Variants in FXR1 observed in about 807,000 individuals in gnomAD.
FXR1 encodes the protein RNA-binding protein FXR1.
A neutral mutation model predicts 84.0 loss-of-function variants in FXR1; 15 were observed. That is an observed-to-expected ratio of 0.18 (90% CI 0.12 to 0.27). FXR1 has a LOEUF of 0.27. FXR1 is among the 10% of genes least tolerant of loss of function. The probability of loss-of-function intolerance (pLI) is 1.00; values close to 1 mark genes in which losing one functional copy is unlikely to be tolerated. For missense variants in FXR1, 480 were observed against 774.4 expected (o/e 0.62, Z 4.51); for synonymous variants, 245 against 250.7 (o/e 0.98, Z 0.21).
At chr3:180,960,010 G>A (rs1277993761) in intron 10 of FXR1, among the ~76,000 whole-genome samples, 2 of 152,086 alleles carry the variant, frequency 1.3e-5, no homozygotes, top group African/African-American at 4.8e-5. Flanking sequence ...TCTGTAAAAT[G>A]AAGAAAATGG....
At position 180,976,175 on chromosome 3, in the gene FXR1, A is replaced by G. The variant is rs1714219613; in HGVS notation, c.1749A>G (p.Pro583=). The G allele has an allele frequency of 6.2e-7, 1 of 1,613,466 alleles. No homozygotes were observed. Among genetic ancestry groups the G allele is most frequent in the Non-Finnish European group, 8.5e-7 (1 of 1,179,448 alleles). ...HGPSEKAING[P]TSASGDDISK... is the part of the protein sequence containing the mutation. ...CTTCAGAAAAGGCAATAAACGGCCC[A>G]ACTAGTGCTTCTGGCGATGACATTT... Residue 583 remains proline (P), a synonymous_variant, in exon 17 of 17, where the codon CCA becomes CCG. Coordinates refer to ENST00000357559, the MANE Select transcript of FXR1 (RefSeq NM_005087.4).
chr3:180,918,230 T>G (rs558150699), intron 1 of FXR1, among the ~76,000 whole-genome samples: 26 of 152,308 alleles, frequency 1.7e-4, no homozygotes, highest in African/African-American at 6.3e-4. Flanking sequence ...TTTACTAGAT[T>G]ATGTATTAAG....
chr3:180,929,475 T>G (rs1805572), intron 1 of FXR1, among the ~76,000 whole-genome samples: 1 of 152,088 alleles, frequency 6.6e-6, no homozygotes, highest in Non-Finnish European at 1.5e-5. Context: ...TCTTCTGTGT[T>G]TGCATATGTA....
At position 180,979,224 on chromosome 3, in the gene FXR1, A is replaced by G. The variant is rs1168182798; in HGVS notation, c.*2932A>G. 6.6e-6 allele frequency: 1 copy of G among 152,124 alleles called. No individual in the cohort carries two copies. Among genetic ancestry groups the G allele is most frequent in the Non-Finnish European group, 1.5e-5 (1 of 67,986 alleles). The allele number at this position is 152,124 out of a possible 1,614,324, so 9.4% of individuals were successfully genotyped here. On this transcript the variant is annotated 3_prime_UTR_variant, in exon 17 of 17. Coordinates refer to ENST00000357559, the MANE Select transcript of FXR1 (RefSeq NM_005087.4). Reference sequence around the variant, plus strand: ...AAACAGCACCATTTGTATCCTCTGCAAACAGATTTACGCTTTTGAGGCTCA... The same window carrying G: ...AAACAGCACCATTTGTATCCTCTGCGAACAGATTTACGCTTTTGAGGCTCA...
intron 10 of FXR1, among the ~76,000 whole-genome samples, chr3:180,958,704 G>A (rs1421712475): frequency 6.6e-6 from 1 of 151,410 alleles, no homozygotes; most frequent in Non-Finnish European, 1.5e-5. Flanking sequence ...ATTCTTGATT[G>A]TACTCTCCTT....
At chr3:180,949,053 C>G (rs755250037) in intron 6 of FXR1, among the ~76,000 whole-genome samples, 174 bp from the exon 7 acceptor site, 6 of 152,072 alleles carry the variant, frequency 3.9e-5, no homozygotes, top group Non-Finnish European at 7.3e-5. Flanking sequence ...AATAGCAGAT[C>G]TAAATAATAC....
At chr3:180,933,658 T>A (rs1307028181) in intron 2 of FXR1, among the ~76,000 whole-genome samples, 1 of 152,192 alleles carries the variant, frequency 6.6e-6, no homozygotes, top group Non-Finnish European at 1.5e-5. Context: ...ATAATATGCT[T>A]AATATTTAAA....
At chr3:180,929,973 G>C (rs1719688470) in intron 1 of FXR1, among the ~76,000 whole-genome samples, 1 of 152,210 alleles carries the variant, frequency 6.6e-6, no homozygotes, top group South Asian at 2.1e-4. Flanking sequence ...AATAAGAGTA[G>C]ATGCTCAAGG....
At position 180,947,311 on chromosome 3, in the gene FXR1, T is replaced by C. The variant is rs189292902; in HGVS notation, c.199-554T>C. 2.9e-4 allele frequency among the ~76,000 whole-genome samples: 44 copies of C among 152,352 alleles called. No homozygotes were observed. The East Asian group carries it at 5.8e-3, about 20-fold the overall frequency. ...ATCCACCCACCTTGGCCTCCCAAAG[T>C]GCTGGGATTACAGGTGTGAGCCACT... On this transcript the variant is annotated intron_variant, in intron 3 of 16. Coordinates refer to ENST00000357559, the MANE Select transcript of FXR1 (RefSeq NM_005087.4).
rs1052927633 is a variant in FXR1 at position 180,979,218 on chromosome 3, C to T, written c.*2926C>T. 6.6e-6 allele frequency: 1 copy of T among 152,080 alleles called. No homozygotes were observed. The highest frequency in any genetic ancestry group is 1.5e-5 in the Non-Finnish European group (1 of 67,984). The allele number at this position is 152,080 out of a possible 1,614,324, so 9.4% of individuals were successfully genotyped here. A position where few individuals can be genotyped will look rare whatever the true frequency, so the allele number is the denominator to read the frequency against. On this transcript the variant is annotated 3_prime_UTR_variant, in exon 17 of 17. Transcript: ENST00000357559. Reference sequence around the variant, plus strand: ...ACTGGGAAACAGCACCATTTGTATCCTCTGCAAACAGATTTACGCTTTTGA... The same window carrying T: ...ACTGGGAAACAGCACCATTTGTATCTTCTGCAAACAGATTTACGCTTTTGA...
At chr3:180,953,649 T>C (rs1325661878) in intron 8 of FXR1, 113 bp from the exon 9 acceptor site, 1 of 625,398 alleles carries the variant, frequency 1.6e-6, no homozygotes. Context: ...GCATAATCTT[T>C]TAGTAGAACA....
rs1009217946 is a variant in FXR1 at position 180,979,621 on chromosome 3, G to A, written c.*3329G>A. On this transcript the variant is annotated 3_prime_UTR_variant, in exon 17 of 17. Transcript: ENST00000357559. The stretch of plus-strand genomic sequence containing the variant: ...TGGACTGTAGTTGCTCATAACCCAT[G>A]TTAATCTCTGATAGTATTTGGGTTT... The A allele has an allele frequency of 2.0e-5, 3 of 151,752 alleles. No homozygotes were observed. Among genetic ancestry groups the A allele is most frequent in the Non-Finnish European group, 4.4e-5 (3 of 67,884 alleles). The allele number at this position is 151,752 out of a possible 1,614,324, so 9.4% of individuals were successfully genotyped here.
chr3:180,919,956 A>T (rs1019161981), intron 1 of FXR1, among the ~76,000 whole-genome samples: 1 of 151,926 alleles, frequency 6.6e-6, no homozygotes, highest in Non-Finnish European at 1.5e-5. Context: ...ATGAGCCACT[A>T]CCTCCTTCTT....
rs1490750407 is a variant in FXR1 at position 180,977,854 on chromosome 3, T to C, written c.*1562T>C. 6.6e-6 allele frequency: 1 copy of C among 152,186 alleles called. No homozygotes were observed. The highest frequency in any genetic ancestry group is 1.9e-4 in the East Asian group (1 of 5,178). The allele number at this position is 152,186 out of a possible 1,614,324, so 9.4% of individuals were successfully genotyped here. Reference sequence around the variant, plus strand: ...TAGTTAAAAATGTACAATGTGCCAGTTCAGTATATATAACCCTAGCCCTCA... The same window carrying C: ...TAGTTAAAAATGTACAATGTGCCAGCTCAGTATATATAACCCTAGCCCTCA... On this transcript the variant is annotated 3_prime_UTR_variant, in exon 17 of 17. Coordinates refer to ENST00000357559, the MANE Select transcript of FXR1 (RefSeq NM_005087.4).
At chr3:180,924,046 C>G (rs553092800) in intron 1 of FXR1, among the ~76,000 whole-genome samples, 28 of 152,218 alleles carry the variant, frequency 1.8e-4, no homozygotes, top group Non-Finnish European at 2.9e-4. Flanking sequence ...GAAACCTCTG[C>G]CTCTCGGGTT....
rs1339110224 is a variant in FXR1, at chr3:180,948,484, T to G, written c.408T>G (p.Asp136Glu). The G allele has an allele frequency of 6.2e-7, 1 of 1,603,966 alleles. No homozygotes were observed. The highest frequency in any genetic ancestry group is 1.7e-5 in the Admixed American group (1 of 59,200). Residue 136 changes from aspartate (D) to glutamate (E), a missense_variant, in exon 5 of 17, where the codon GAT becomes GAG. Physicochemically the swap from Asp to Glu is conservative, Grantham distance 45. Coordinates refer to ENST00000357559, the MANE Select transcript of FXR1 (RefSeq NM_005087.4). ...FFKCTVDVPE[D>E]LREACANENA... ...AATGCACAGTGGATGTTCCTGAGGA[T>G]TTGAGAGAGGCGTGAGTAATTTTAT...
chr3:180,941,980 A>C (rs1391231727), intron 3 of FXR1, among the ~76,000 whole-genome samples: 1 of 152,204 alleles, frequency 6.6e-6, no homozygotes, highest in African/African-American at 2.4e-5. Flanking sequence ...GTTTAATAGT[A>C]AATAATAGGA....
At chr3:180,914,335 C>G (rs955410524) in intron 1 of FXR1, among the ~76,000 whole-genome samples, 22 of 152,214 alleles carry the variant, frequency 1.4e-4, no homozygotes, top group African/African-American at 5.1e-4. Context: ...TTTTTCCTAT[C>G]AATTGTAGAT....
chr3:180,915,799 C>G (rs887185557), intron 1 of FXR1, among the ~76,000 whole-genome samples: 1 of 152,210 alleles, frequency 6.6e-6, no homozygotes, highest in East Asian at 1.9e-4. Flanking sequence ...ACTGAAACTT[C>G]ATTTCACAAA....
Sources: allele counts gnomAD v4.1 joint callset (sites outside exome capture counted in the v4.1 genomes callset), GRCh38; gene constraint gnomAD v4.1.1; transcripts MANE v1.5; gene names NCBI Gene and HGNC (gene_info 2026-07-23, HGNC 2026-07-21).